TM9SF4: variants seen among roughly 807,000 people sequenced by gnomAD.
The protein encoded by TM9SF4 is transmembrane 9 superfamily member 4, also known as dinucleotide oxidase disulfide thiol exchanger 3 superfamily member 4.
A neutral mutation model predicts 90.4 loss-of-function variants in TM9SF4; 26 were observed. The observed-to-expected ratio is 0.29, with a 90% CI of 0.21 to 0.40. The LOEUF is 0.40. Ranked by LOEUF, TM9SF4 falls within the 10% of genes least tolerant of loss-of-function variation. TM9SF4 has a pLI of 1.00. For missense variants in TM9SF4, 549 were observed against 834.8 expected, an observed-to-expected ratio of 0.66 and a Z score of 4.22; for synonymous variants, 293 against 315.4, an observed-to-expected ratio of 0.93 and a Z score of 0.75.
chr20:32,123,865 TA>T (rs11475600), intron 1 of TM9SF4, among the ~76,000 whole-genome samples: 883 of 78,456 alleles, frequency 0.011, 25 homozygotes, highest in African/African-American at 0.053. Flanking sequence ...TATATATATA[TA>T]TTTTTTTTTT....
chr20:32,141,510 A>T lies in TM9SF4; in HGVS notation c.243A>T (p.Arg81Ser). The change falls in exon 4 of 18, where the codon AGA becomes AGT. Residue 81 changes from arginine (R) to serine (S), a missense_variant. Arg to Ser is a moderately radical substitution (Grantham distance 110, BLOSUM62 -1). Transcript: ENST00000398022. ...CTCTTACGGCAGGAGAGGTGCTGAGAGGGGACCGGATTGTCAACACCCCTT... is the reference window on the plus strand; with the variant it reads ...CTCTTACGGCAGGAGAGGTGCTGAGTGGGGACCGGATTGTCAACACCCCTT... ...YKAENLGEVLRGDRIVNTPFQ... is the reference protein window; with the variant it reads ...YKAENLGEVLSGDRIVNTPFQ... 6.2e-7 allele frequency: 1 copy of T among 1,614,036 alleles called. No individual in the cohort carries two copies. The highest frequency in any genetic ancestry group is 8.5e-7 in the Non-Finnish European group (1 of 1,179,992).
At chr20:32,135,193 C>A (rs906602326) in intron 2 of TM9SF4, among the ~76,000 whole-genome samples, 1 of 152,104 alleles carries the variant, frequency 6.6e-6, no homozygotes, top group Non-Finnish European at 1.5e-5. Flanking sequence ...AAACATTCTT[C>A]TTCATTGTCT....
chr20:32,128,349 A>G (rs767247518), intron 1 of TM9SF4, among the ~76,000 whole-genome samples: 34 of 152,220 alleles, frequency 2.2e-4, no homozygotes, highest in Admixed American at 1.0e-3. Flanking sequence ...GCACTTTAGG[A>G]TGACCTAGAG....
chr20:32,163,858 G>A (rs557034897), intron 17 of TM9SF4, among the ~76,000 whole-genome samples: 4 of 152,156 alleles, frequency 2.6e-5, no homozygotes, highest in Admixed American at 2.0e-4. Flanking sequence ...TGATCCGTCT[G>A]CCTCAGCCTC....
chr20:32,147,678 C>T (rs1215068624), intron 9 of TM9SF4, among the ~76,000 whole-genome samples: 1 of 151,364 alleles, frequency 6.6e-6, no homozygotes, highest in Non-Finnish European at 1.5e-5. Flanking sequence ...CATGTGAAAA[C>T]TTCGTCTCTA....
intron 1 of TM9SF4, among the ~76,000 whole-genome samples, chr20:32,130,530 A>G (rs4911546): frequency 0.37 from 56,519 of 152,100 alleles, 11,445 homozygotes; most frequent in East Asian, 0.74. Context: ...AAAGCTTCCA[A>G]TGAGGAAGGG....
At chr20:32,141,925 CG>C (rs1569082418) in intron 5 of TM9SF4, 30 bp downstream of exon 5, 2 of 1,613,130 alleles carry the variant, frequency 1.2e-6, no homozygotes, top group Non-Finnish European at 1.7e-6. Context: ...CTCACAGGAC[CG>C]GGAGCCACAC....
chr20:32,143,296 C>T (rs2046708442), intron 6 of TM9SF4, among the ~76,000 whole-genome samples, 191 bp downstream of exon 6: 1 of 152,198 alleles, frequency 6.6e-6, no homozygotes, highest in Non-Finnish European at 1.5e-5. Flanking sequence ...GCTGCAGTGT[C>T]ACGGGCTAGA....
chr20:32,123,038 G>C (rs890379687), intron 1 of TM9SF4, among the ~76,000 whole-genome samples: 20 of 150,708 alleles, frequency 1.3e-4, no homozygotes, highest in African/African-American at 4.9e-4. Context: ...GCGTGGCGGC[G>C]TGCGCCTGCA....
chr20:32,147,338 C>T (rs2046778201), intron 9 of TM9SF4, among the ~76,000 whole-genome samples: 1 of 152,024 alleles, frequency 6.6e-6, no homozygotes, highest in South Asian at 2.1e-4. Context: ...GTTTTATTCA[C>T]CCAAAGTGAT....
At chr20:32,113,696 T>A (rs2046180703) in intron 1 of TM9SF4, among the ~76,000 whole-genome samples, 1 of 152,204 alleles carries the variant, frequency 6.6e-6, no homozygotes, top group African/African-American at 2.4e-5. Context: ...TTCACCCCTT[T>A]AAAGTATATA....
At chr20:32,144,987 G>A in intron 6 of TM9SF4, 104 bp from the exon 7 acceptor site, 1 of 997,592 alleles carries the variant, frequency 1.0e-6, no homozygotes. Flanking sequence ...CCACCCTAGA[G>A]GCTGGGTCTC....
intron 13 of TM9SF4, among the ~76,000 whole-genome samples, chr20:32,155,595 A>G (rs573019907): frequency 6.6e-6 from 1 of 152,310 alleles, no homozygotes; most frequent in South Asian, 2.1e-4. Flanking sequence ...GGAGAGAGGA[A>G]AGGAAGGATC....
intron 12 of TM9SF4, among the ~76,000 whole-genome samples, chr20:32,153,932 G>C (rs564781778): frequency 2.0e-5 from 3 of 152,172 alleles, no homozygotes; most frequent in African/African-American, 7.2e-5. Context: ...GCTGGGTGAC[G>C]TGGAGGTGGT....
intron 12 of TM9SF4, among the ~76,000 whole-genome samples, chr20:32,152,868 G>C (rs1003183978): frequency 6.6e-6 from 1 of 152,236 alleles, no homozygotes; most frequent in Non-Finnish European, 1.5e-5. Context: ...GTAGGGGCAG[G>C]TGTGTTGTTC....
At chr20:32,144,978 C>A in intron 6 of TM9SF4, 113 bp from the exon 7 acceptor site, 1 of 877,452 alleles carries the variant, frequency 1.1e-6, no homozygotes. Flanking sequence ...TCTCCACTCC[C>A]ACCCTAGAGG....
At chr20:32,135,963 T>C in intron 2 of TM9SF4, 111 bp from the exon 3 acceptor site, 2 of 845,622 alleles carry the variant, frequency 2.4e-6, no homozygotes, top group South Asian at 3.1e-5. Context: ...TGTACTGCTG[T>C]CATTTCTGCT....
At chr20:32,139,497 G>A (rs759652147) in intron 3 of TM9SF4, among the ~76,000 whole-genome samples, 9 of 152,086 alleles carry the variant, frequency 5.9e-5, no homozygotes, top group African/African-American at 1.2e-4. Flanking sequence ...ACCCTCACCA[G>A]CACCTGTTCC....
At chr20:32,123,866 A>ATATATATATTTTTTTTTTTTTTT in intron 1 of TM9SF4, among the ~76,000 whole-genome samples, 34 of 93,944 alleles carry the variant, frequency 3.6e-4, no homozygotes, top group African/African-American at 1.0e-3. Context: ...ATATATATAT[A>ATATATATATTTTTTTTTTTTTTT]TTTTTTTTTT....
Sources: allele counts gnomAD v4.1 joint callset (sites outside exome capture counted in the v4.1 genomes callset), GRCh38; gene constraint gnomAD v4.1.1; transcripts MANE v1.5; gene names NCBI Gene and HGNC (gene_info 2026-07-23, HGNC 2026-07-21).